Variants in ENPP1 observed in about 807,000 individuals in gnomAD.
ENPP1 encodes the protein ectonucleotide pyrophosphatase/phosphodiesterase family member 1.
In ENPP1, 73 loss-of-function variants were observed where a neutral mutation model predicts 122.8. The observed-to-expected ratio is 0.59, with a 90% CI of 0.49 to 0.72. The LOEUF is 0.72. ENPP1 is among the 30% of genes least tolerant of loss of function. The pLI is 0.00. For missense variants in ENPP1, 978 were observed against 1,128.1 expected (o/e 0.87, Z 1.91); for synonymous variants, 367 against 391.6 (o/e 0.94, Z 0.74).
At chr6:131,877,283 T>C (rs1216922657) in intron 18 of ENPP1, 122 bp downstream of exon 18, 2 of 947,156 alleles carry the variant, frequency 2.1e-6, no homozygotes, top group Non-Finnish European at 3.3e-6. Flanking sequence ...GGTAAACATA[T>C]GTTTTAATTC....
At chr6:131,885,403 A>T (rs1326639451) in intron 23 of ENPP1, among the ~76,000 whole-genome samples, 2 of 152,086 alleles carry the variant, frequency 1.3e-5, no homozygotes, top group African/African-American at 4.8e-5. Context: ...AAGATGAAGA[A>T]CTCTATGGTG....
At position 131,875,858 on chromosome 6, in the gene ENPP1, T is replaced by C; in HGVS notation, c.1718T>C (p.Met573Thr). 1 of 1,611,918 alleles carries C rather than the reference T, an allele frequency of 6.2e-7. No homozygotes were observed. ...TFENIEVYNL[M>T]CDLLNLTPAP... ...GAAAACATTGAAGTCTATAACTTAATGTGTGGTAAGTGTGAACAGGTGCCT... is the reference window on the plus strand; with the variant it reads ...GAAAACATTGAAGTCTATAACTTAACGTGTGGTAAGTGTGAACAGGTGCCT... Residue 573 changes from methionine (M) to threonine (T), a missense_variant, in exon 17 of 25, where the codon ATG becomes ACG. Transcript: ENST00000647893.
At chr6:131,883,467 A>G (rs936120217) in intron 21 of ENPP1, among the ~76,000 whole-genome samples, 6 of 152,190 alleles carry the variant, frequency 3.9e-5, no homozygotes, top group Non-Finnish European at 5.9e-5. Flanking sequence ...ATTAAAGTTT[A>G]TGTTTCGTTG....
intron 1 of ENPP1, chr6:131,827,094 A>C (rs1477475091): frequency 7.5e-6 from 5 of 668,318 alleles, no homozygotes; most frequent in African/African-American, 1.8e-5. Flanking sequence ...TAGCACCTCC[A>C]TTTCGGTGAA....
intron 5 of ENPP1, among the ~76,000 whole-genome samples, chr6:131,854,200 T>A (rs1439473595): frequency 6.6e-6 from 1 of 151,902 alleles, no homozygotes; most frequent in Admixed American, 6.6e-5. Context: ...AGCCTAGGAG[T>A]TCGAGACCAG....
intron 1 of ENPP1, among the ~76,000 whole-genome samples, chr6:131,836,900 A>C (rs564439965): frequency 3.9e-5 from 6 of 152,272 alleles, no homozygotes; most frequent in African/African-American, 1.4e-4. Flanking sequence ...CTTTTTAGGG[A>C]AAGTGCTTGT....
chr6:131,859,666 CA>C (rs1358461840), intron 7 of ENPP1, among the ~76,000 whole-genome samples: 16 of 151,946 alleles, frequency 1.1e-4, no homozygotes, highest in Non-Finnish European at 2.1e-4. Context: ...AAGAAGGGGT[CA>C]GGGGGTACCT....
At chr6:131,868,259 G>A in intron 12 of ENPP1, 133 bp downstream of exon 12, 4 of 650,960 alleles carry the variant, frequency 6.1e-6, no homozygotes, top group Non-Finnish European at 1.1e-5. Flanking sequence ...ACAGTCTTTA[G>A]GAAAAAAATA....
chr6:131,821,964 C>G (rs1198061456), intron 1 of ENPP1, among the ~76,000 whole-genome samples: 1 of 152,128 alleles, frequency 6.6e-6, no homozygotes, highest in Non-Finnish European at 1.5e-5. Context: ...AAACTGCCAC[C>G]CAGCACCATT....
chr6:131,831,359 T>A (rs1007165404), intron 1 of ENPP1, among the ~76,000 whole-genome samples: 6 of 152,132 alleles, frequency 3.9e-5, no homozygotes, highest in Admixed American at 2.0e-4. Flanking sequence ...ATTAGTAAGG[T>A]CCATTTGTTA....
intron 9 of ENPP1, among the ~76,000 whole-genome samples, chr6:131,862,797 T>C (rs1782040589): frequency 6.6e-6 from 1 of 152,200 alleles, no homozygotes; most frequent in Non-Finnish European, 1.5e-5. Context: ...TTCAGACTCT[T>C]ACAGCTGGAG....
chr6:131,835,774 TG>T (rs1478203519), intron 1 of ENPP1, among the ~76,000 whole-genome samples: 1 of 152,186 alleles, frequency 6.6e-6, no homozygotes, highest in Non-Finnish European at 1.5e-5. Context: ...TGTGTCCATG[TG>T]TTCTCATCAT....
intron 20 of ENPP1, among the ~76,000 whole-genome samples, chr6:131,881,235 A>G (rs1424343305): frequency 6.6e-6 from 1 of 152,196 alleles, no homozygotes. Flanking sequence ...CAAATATATA[A>G]TACACACATA....
Position 131,875,859 on chromosome 6 carries a change from G to T in ENPP1, c.1719G>T (p.Met573Ile). 1 of 1,610,338 alleles carries T rather than the reference G, an allele frequency of 6.2e-7. No homozygotes were observed. The highest frequency in any genetic ancestry group is 8.5e-7 in the Non-Finnish European group (1 of 1,176,524). Residue 573 changes from methionine to isoleucine, a missense_variant, in exon 17 of 25, where the codon ATG (methionine) becomes ATT (isoleucine). Met to Ile is a conservative substitution (Grantham distance 10, BLOSUM62 1). This residue lies in a region of ENPP1 where 644 missense variants were observed against 781.5 expected (regional missense o/e 0.82). Coordinates refer to ENST00000647893, the MANE Select transcript of ENPP1 (RefSeq NM_006208.3). ...TFENIEVYNLMCDLLNLTPAP... is the reference protein window; with the variant it reads ...TFENIEVYNLICDLLNLTPAP... The stretch of plus-strand genomic sequence containing the variant: ...AAAACATTGAAGTCTATAACTTAAT[G>T]TGTGGTAAGTGTGAACAGGTGCCTT...
intron 6 of ENPP1, among the ~76,000 whole-genome samples, chr6:131,857,359 A>C (rs1781960780): frequency 6.7e-6 from 1 of 148,856 alleles, no homozygotes; most frequent in Non-Finnish European, 1.5e-5. Context: ...ACATATGTTT[A>C]TTGCGGCACT....
At chr6:131,827,382 A>G (rs1164589715) in intron 1 of ENPP1, 7 of 805,742 alleles carry the variant, frequency 8.7e-6, no homozygotes, top group Non-Finnish European at 1.5e-5. Flanking sequence ...TAACACCTCA[A>G]AGGAATATTG....
chr6:131,855,413 C>T (rs1781932842), intron 6 of ENPP1, among the ~76,000 whole-genome samples: 1 of 152,160 alleles, frequency 6.6e-6, no homozygotes, highest in East Asian at 1.9e-4. Context: ...GCAACCTCTG[C>T]CTCCCAGGTT....
rs58493790 is a variant in ENPP1 at position 131,888,235 on chromosome 6, C to CTT, written c.2607+1525_2607+1526dup. On this transcript the variant is annotated intron_variant, in intron 24 of 24. Coordinates refer to ENST00000647893, the MANE Select transcript of ENPP1 (RefSeq NM_006208.3). ...TCTTTCAGAGTACTTCCTACATTTC[C>CTT]TTTTTTTTTTTTTTTCATTGAAGTG... 6.3e-3 allele frequency among the ~76,000 whole-genome samples: 881 copies of CTT among 139,472 alleles called. 24 individuals carry two copies. In the East Asian group the frequency reaches 0.096, roughly 15 times the overall value. The allele number at this position is 139,472 out of a possible 152,430, so 91.5% of individuals were successfully genotyped here. A position where few individuals can be genotyped will look rare whatever the true frequency, so the allele number is the denominator to read the frequency against.
At chr6:131,886,281 G>A (rs1185160827) in intron 23 of ENPP1, among the ~76,000 whole-genome samples, 6 of 152,074 alleles carry the variant, frequency 3.9e-5, no homozygotes, top group Admixed American at 3.9e-4. Flanking sequence ...TTTCTTTAGT[G>A]TTTCAATTTC....
Sources: gnomAD v4.1 joint callset for allele counts (sites outside exome capture counted in the v4.1 genomes callset) on GRCh38, gnomAD v4.1.1 for gene constraint, gnomAD v4.1.1 regional missense constraint, MANE v1.5 for transcripts, NCBI Gene and HGNC (gene_info 2026-07-23, HGNC 2026-07-21) for gene names.